Variants in LUZP2 observed in about 807,000 individuals in gnomAD.
The protein encoded by LUZP2 is leucine zipper protein 2.
LUZP2 carries 52 observed loss-of-function variants against 51.6 expected under a neutral mutation model. The observed-to-expected ratio is 1.01, with a 90% CI of 0.81 to 1.27. LUZP2 has a LOEUF of 1.27. Ranked by LOEUF, LUZP2 falls within the 50% of genes most tolerant of loss-of-function variation. The pLI, the probability that LUZP2 is intolerant of heterozygous loss-of-function variation, is 0.00. For missense variants in LUZP2, 436 were observed against 395.4 expected (o/e 1.10, Z -0.87); for synonymous variants, 154 against 137.3 (o/e 1.12, Z -0.85).
At chr11:24,781,730 C>T (rs1278109824) in intron 5 of LUZP2, among the ~76,000 whole-genome samples, 1 of 151,756 alleles carries the variant, frequency 6.6e-6, no homozygotes, top group East Asian at 1.9e-4. Flanking sequence ...TTTTAATATA[C>T]ATTAGGAACC....
At chr11:24,517,054 C>A (rs190064236) in intron 1 of LUZP2, among the ~76,000 whole-genome samples, 21 of 152,180 alleles carry the variant, frequency 1.4e-4, no homozygotes, top group African/African-American at 5.1e-4. Flanking sequence ...ATACAAAATA[C>A]AAAGATTTTT....
intron 8 of LUZP2, among the ~76,000 whole-genome samples, chr11:24,980,302 T>C (rs144351306): frequency 6.6e-6 from 1 of 151,836 alleles, no homozygotes; most frequent in Non-Finnish European, 1.5e-5. Flanking sequence ...CTGAGAAAAG[T>C]ACTAACACAC....
At position 25,078,951 on chromosome 11, in the gene LUZP2, T is replaced by G; in HGVS notation, c.*293T>G. ...GCTATCTAACATGTAATTCTCCCGGTTCATTTGGATATCTAGTACTTCTAT... is the reference window on the plus strand; with the variant it reads ...GCTATCTAACATGTAATTCTCCCGGGTCATTTGGATATCTAGTACTTCTAT... On this transcript the variant is annotated 3_prime_UTR_variant, in exon 12 of 12. Coordinates refer to ENST00000336930, the MANE Select transcript of LUZP2 (RefSeq NM_001009909.4). 3.9e-6 allele frequency: 1 copy of G among 254,178 alleles called. No homozygotes were observed. The highest frequency in any genetic ancestry group is 7.4e-6 in the Non-Finnish European group (1 of 134,554). The allele number at this position is 254,178 out of a possible 1,614,324, so 15.7% of individuals were successfully genotyped here. A position where few individuals can be genotyped will look rare whatever the true frequency, so the allele number is the denominator to read the frequency against.
chr11:24,714,462 G>GTA (rs1857960252), intron 1 of LUZP2, among the ~76,000 whole-genome samples: 1 of 152,118 alleles, frequency 6.6e-6, no homozygotes, highest in African/African-American at 2.4e-5. Flanking sequence ...GTGGGAAAGT[G>GTA]TATGCCAAGA....
chr11:24,636,637 G>C (rs111651603), intron 1 of LUZP2, among the ~76,000 whole-genome samples: 1 of 151,962 alleles, frequency 6.6e-6, no homozygotes, highest in Non-Finnish European at 1.5e-5. Context: ...TTCTACATTG[G>C]CACAACTAAC....
intron 5 of LUZP2, among the ~76,000 whole-genome samples, chr11:24,863,949 C>T (rs1311494047): frequency 6.6e-6 from 1 of 151,988 alleles, no homozygotes; most frequent in Non-Finnish European, 1.5e-5. Flanking sequence ...GTAATTATAA[C>T]AGGATTATTT....
At chr11:24,713,314 T>A (rs1489636534) in intron 1 of LUZP2, among the ~76,000 whole-genome samples, 2 of 152,176 alleles carry the variant, frequency 1.3e-5, no homozygotes, top group African/African-American at 4.8e-5. Flanking sequence ...ACTACCTGTG[T>A]CATCATTTTA....
chr11:24,794,559 G>A (rs1471864891), intron 5 of LUZP2, among the ~76,000 whole-genome samples: 1 of 152,110 alleles, frequency 6.6e-6, no homozygotes, highest in Non-Finnish European at 1.5e-5. Context: ...AAACACATAA[G>A]CTAAATGTTT....
chr11:24,905,318 A>G (rs147069809), intron 5 of LUZP2, among the ~76,000 whole-genome samples: 251 of 152,270 alleles, frequency 1.6e-3, no homozygotes, highest in African/African-American at 5.6e-3. Flanking sequence ...CTGAGGTCAG[A>G]GTTCAAGACC....
intron 5 of LUZP2, among the ~76,000 whole-genome samples, chr11:24,861,658 G>A (rs933678137): frequency 6.6e-5 from 10 of 152,294 alleles, no homozygotes; most frequent in South Asian, 2.1e-4. Flanking sequence ...ACTAGTGGCC[G>A]AAGAATGAGC....
intron 7 of LUZP2, among the ~76,000 whole-genome samples, chr11:24,976,049 C>T (rs1855874017): frequency 6.6e-6 from 1 of 151,946 alleles, no homozygotes; most frequent in South Asian, 2.1e-4. Context: ...TCTCTGTCTG[C>T]CCTCACTTGG....
At chr11:24,616,468 C>T (rs77740271) in intron 1 of LUZP2, among the ~76,000 whole-genome samples, 3 of 76,554 alleles carry the variant, frequency 3.9e-5, no homozygotes, top group African/African-American at 1.6e-4. Flanking sequence ...TGGTATTTGG[C>T]GTGCGCATGT....
intron 1 of LUZP2, among the ~76,000 whole-genome samples, chr11:24,623,307 T>A (rs2133910735): frequency 6.6e-6 from 1 of 152,344 alleles, no homozygotes; most frequent in East Asian, 1.9e-4. Flanking sequence ...AGTGCTGGCT[T>A]AAAATAATAA....
chr11:24,549,802 T>A (rs535001028), intron 1 of LUZP2, among the ~76,000 whole-genome samples: 24 of 152,214 alleles, frequency 1.6e-4, no homozygotes, highest in Admixed American at 5.2e-4. Context: ...TGTATCAATT[T>A]AAATACCCCC....
intron 1 of LUZP2, among the ~76,000 whole-genome samples, chr11:24,642,166 G>T (rs568025843): frequency 6.6e-6 from 1 of 151,814 alleles, no homozygotes; most frequent in Non-Finnish European, 1.5e-5. Flanking sequence ...GGGATTACAG[G>T]TGTGAGCCAC....
chr11:25,078,644 G>T lies in LUZP2; in HGVS notation c.1027G>T (p.Glu343Ter), dbSNP rs1565318482. The change falls in exon 12 of 12, where the codon GAA becomes TAA. Residue 343 changes from glutamate (E) to a stop codon, truncating the protein, a stop_gained. Coordinates refer to ENST00000336930, the MANE Select transcript of LUZP2 (RefSeq NM_001009909.4). LOFTEE classifies it high-confidence loss of function. The part of the protein sequence containing the change: ...TSFEGMAARE[E>*]KIL ...CTTTGAAGGGATGGCAGCTAGAGAAGAAAAAATACTGTAAATACTAAGAAA... is the reference window on the plus strand; with the variant it reads ...CTTTGAAGGGATGGCAGCTAGAGAATAAAAAATACTGTAAATACTAAGAAA... 1 of 1,602,508 alleles carries T rather than the reference G, an allele frequency of 6.2e-7. No individual in the cohort carries two copies. The highest frequency in any genetic ancestry group is 1.4e-5 in the African/African-American group (1 of 74,052).
chr11:24,700,106 G>T (rs1242261083), intron 1 of LUZP2, among the ~76,000 whole-genome samples: 1 of 133,424 alleles, frequency 7.5e-6, no homozygotes, highest in Non-Finnish European at 1.5e-5. Context: ...CTGTAGCCTA[G>T]GCTGGAGTGC....
chr11:24,516,139 A>G (rs1850455760), intron 1 of LUZP2, among the ~76,000 whole-genome samples: 3 of 152,182 alleles, frequency 2.0e-5, no homozygotes, highest in African/African-American at 7.2e-5. Context: ...AAAATAATCA[A>G]TCTCGAAGAC....
At chr11:24,757,196 A>T (rs564392082) in intron 4 of LUZP2, among the ~76,000 whole-genome samples, 2 of 152,326 alleles carry the variant, frequency 1.3e-5, no homozygotes, top group East Asian at 3.9e-4. Flanking sequence ...AATCACCGAC[A>T]AACTGCCTAT....
Sources: gnomAD v4.1 joint callset for allele counts (sites outside exome capture counted in the v4.1 genomes callset) on GRCh38, gnomAD v4.1.1 for gene constraint, MANE v1.5 for transcripts, NCBI Gene and HGNC (gene_info 2026-07-23, HGNC 2026-07-21) for gene names.